The following SCMH1 variants were observed in gnomAD, a reference collection of about 807,000 sequenced individuals.
SCMH1 encodes the protein Scm polycomb group protein homolog 1, also known as polycomb protein SCMH1.
In SCMH1, 37 loss-of-function variants were observed where a neutral mutation model predicts 70.8. The ratio of observed to expected loss-of-function variants is 0.52; its 90% CI spans 0.40 to 0.69. The LOEUF is 0.69. Among genes scored for constraint, SCMH1 ranks in the 30% least tolerant of loss-of-function variants. The pLI is 0.00. For missense variants in SCMH1, 607 were observed against 827.3 expected, an observed-to-expected ratio of 0.73 and a Z score of 3.27; for synonymous variants, 292 against 307.4, an observed-to-expected ratio of 0.95 and a Z score of 0.52.
chr1:41,034,406 C>T (rs1355442670), intron 13 of SCMH1, among the ~76,000 whole-genome samples: 1 of 151,726 alleles, frequency 6.6e-6, no homozygotes, highest in Non-Finnish European at 1.5e-5. Context: ...CGGCTCACTG[C>T]AAACTCGGCC....
intron 8 of SCMH1, among the ~76,000 whole-genome samples, chr1:41,104,602 CAATT>C (rs901445568): frequency 6.6e-6 from 1 of 152,144 alleles, no homozygotes; most frequent in East Asian, 1.9e-4. Context: ...TCAAAATGTA[CAATT>C]ATTACATATC....
chr1:41,030,582 C>T (rs533979158), intron 13 of SCMH1, among the ~76,000 whole-genome samples: 4 of 152,250 alleles, frequency 2.6e-5, no homozygotes, highest in South Asian at 4.2e-4. Flanking sequence ...ATATTGATTC[C>T]ACAGAGAGGC....
intron 7 of SCMH1, among the ~76,000 whole-genome samples, chr1:41,116,537 A>C (rs749240922): frequency 3.3e-5 from 5 of 152,224 alleles, no homozygotes; most frequent in African/African-American, 4.8e-5. Flanking sequence ...TAAAGTCCCA[A>C]ACATATCGTA....
chr1:41,060,359 C>T (rs1186299408), intron 10 of SCMH1, among the ~76,000 whole-genome samples: 2 of 151,420 alleles, frequency 1.3e-5, no homozygotes, highest in African/African-American at 4.9e-5. Context: ...TCATAAGAAA[C>T]CATGCAAGCA....
chr1:41,062,729 A>G (rs1571668244), intron 10 of SCMH1, among the ~76,000 whole-genome samples: 2 of 145,378 alleles, frequency 1.4e-5, no homozygotes, highest in African/African-American at 5.1e-5. Context: ...ACAGAGAGAG[A>G]CTCCATCTCA....
Position 41,176,562 on chromosome 1 carries a change from C to T in SCMH1, c.13+9559G>A, listed in dbSNP as rs1647161020. Among the ~76,000 whole-genome samples, 4 of 152,220 alleles carry T rather than the reference C, an allele frequency of 2.6e-5. No individual in the cohort carries two copies. The East Asian group carries it at 7.7e-4, about 29-fold the overall frequency. On this transcript the variant is annotated intron_variant, in intron 2 of 14. Transcript: ENST00000337495. ...GGGTCACTCCCATCCTAATACTGCGCTTTTCCAATGGTCTTAGCAAACGGC... is the reference window on the plus strand; with the variant it reads ...GGGTCACTCCCATCCTAATACTGCGTTTTTCCAATGGTCTTAGCAAACGGC...
intron 1 of SCMH1, among the ~76,000 whole-genome samples, chr1:41,230,743 T>C (rs1247366905): frequency 6.6e-6 from 1 of 152,142 alleles, no homozygotes; most frequent in Non-Finnish European, 1.5e-5. Flanking sequence ...TCACTGAAAC[T>C]GGCAACAATG....
intron 4 of SCMH1, among the ~76,000 whole-genome samples, chr1:41,156,953 CTTT>C (rs66641047): frequency 5.4e-4 from 60 of 110,796 alleles, no homozygotes; most frequent in East Asian, 2.1e-3. Context: ...TATAAGCCAA[CTTT>C]TTTTTTTTTT....
At chr1:41,141,826 C>G (rs377758175) in intron 6 of SCMH1, among the ~76,000 whole-genome samples, 14 of 148,768 alleles carry the variant, frequency 9.4e-5, no homozygotes, top group Admixed American at 2.1e-4. Context: ...AAGAGAGAGA[C>G]AGACAGAGAC....
intron 1 of SCMH1, among the ~76,000 whole-genome samples, chr1:41,212,135 A>T (rs534656845): frequency 3.0e-4 from 46 of 152,312 alleles, no homozygotes; most frequent in African/African-American, 1.1e-3. Flanking sequence ...CTTGTTGTGC[A>T]CATGTACCCT....
In SCMH1 at chr1:41,231,829, C is replaced by T. The variant is rs1380957237; in HGVS notation, c.-118+10230G>A. Among the ~76,000 whole-genome samples the T allele has an allele frequency of 2.6e-5, 4 of 151,790 alleles. No individual in the cohort carries two copies. The East Asian group carries it at 7.8e-4, about 29-fold the overall frequency. On this transcript the variant is annotated intron_variant, in intron 1 of 14. Transcript: ENST00000337495. Reference sequence around the variant, plus strand: ...CGAGGTCAGGAGTTCGAGAACAGCCCGGCCAACATAGCGAAACTCGGTCTC... The same window carrying T: ...CGAGGTCAGGAGTTCGAGAACAGCCTGGCCAACATAGCGAAACTCGGTCTC...
intron 13 of SCMH1, among the ~76,000 whole-genome samples, chr1:41,032,219 C>T (rs528189205): frequency 6.6e-5 from 10 of 152,276 alleles, no homozygotes; most frequent in Non-Finnish European, 1.0e-4. Flanking sequence ...TGGACTAAGA[C>T]GACCCACATA....
chr1:41,162,005 C>G (rs980033882), intron 2 of SCMH1, among the ~76,000 whole-genome samples: 1 of 152,126 alleles, frequency 6.6e-6, no homozygotes, highest in Admixed American at 6.5e-5. Flanking sequence ...TCCATGGAGC[C>G]GGTGGGAGCC....
At chr1:41,226,277 T>C (rs1368287908) in intron 1 of SCMH1, among the ~76,000 whole-genome samples, 1 of 152,188 alleles carries the variant, frequency 6.6e-6, no homozygotes, top group Non-Finnish European at 1.5e-5. Context: ...AACTACCCTT[T>C]CACCACATAT....
At chr1:41,193,021 G>A (rs1285568180) in intron 1 of SCMH1, among the ~76,000 whole-genome samples, 1 of 152,176 alleles carries the variant, frequency 6.6e-6, no homozygotes, top group African/African-American at 2.4e-5. Flanking sequence ...AAATGAACAT[G>A]GCTATGTTCC....
chr1:41,048,035 G>A (rs1271675947), intron 11 of SCMH1, among the ~76,000 whole-genome samples: 4 of 152,188 alleles, frequency 2.6e-5, no homozygotes, highest in African/African-American at 4.8e-5. Context: ...CTAGGGAGGA[G>A]GGGCAGGGGA....
At chr1:41,155,559 C>A (rs1263955904) in intron 4 of SCMH1, among the ~76,000 whole-genome samples, 1 of 151,906 alleles carries the variant, frequency 6.6e-6, no homozygotes, top group Non-Finnish European at 1.5e-5. Flanking sequence ...CAGAGGGTAA[C>A]AGAGACACCA....
Position 41,161,028 on chromosome 1 carries a change from C to A in SCMH1, c.83-130G>T, listed in dbSNP as rs1314419031. The stretch of plus-strand genomic sequence containing the variant: ...TTCAGTTATCTCATCCTAAAAGACA[C>A]TGAGATTCTTAGTAGTCATTGTGGA... On this transcript the variant is annotated intron_variant, in intron 3 of 14. Coordinates refer to ENST00000337495, the Ensembl canonical transcript of SCMH1. The A allele has an allele frequency of 6.7e-5, 67 of 1,006,452 alleles. No individual in the cohort carries two copies. The East Asian group carries it at 1.7e-3, about 26-fold the overall frequency. 62.3% of individuals were successfully genotyped at this position (1,006,452 alleles called of 1,614,324 possible).
intron 8 of SCMH1, among the ~76,000 whole-genome samples, chr1:41,088,562 G>T (rs569587720): frequency 5.9e-5 from 9 of 152,182 alleles, no homozygotes; most frequent in African/African-American, 2.2e-4. Flanking sequence ...CGGACTCCTA[G>T]GCTCAAGCGA....
Sources: gnomAD v4.1 joint callset for allele counts (sites outside exome capture counted in the v4.1 genomes callset) on GRCh38, gnomAD v4.1.1 for gene constraint, MANE v1.5 for transcripts, NCBI Gene and HGNC (gene_info 2026-07-23, HGNC 2026-07-21) for gene names.